Variants in CITED1 observed in about 807,000 individuals in gnomAD.
CITED1 encodes the protein cbp/p300-interacting transactivator 1.
In CITED1, 3 loss-of-function variants were observed where a neutral mutation model predicts 8.5. The ratio of observed to expected loss-of-function variants is 0.35; its 90% CI spans 0.16 to 0.91. The LOEUF is 0.91. CITED1 is among the 40% of genes least tolerant of loss of function. CITED1 has a pLI of 0.46. For missense variants in CITED1, 113 were observed against 154.8 expected, an observed-to-expected ratio of 0.73 and a Z score of 1.43; for synonymous variants, 54 against 67.4, an observed-to-expected ratio of 0.80 and a Z score of 0.97.
upstream of CITED1, chrX:72,306,379 T>G (rs2043339781): frequency 9.1e-6 from 1 of 110,156 alleles, no homozygotes; most frequent in Non-Finnish European, 1.9e-5. Flanking sequence ...CCCAGAACCC[T>G]CCGGCCCGCC....
At chrX:72,305,277 G>A in intron 1 of CITED1, 3 of 1,160,924 alleles carry the variant, frequency 2.6e-6, no homozygotes, top group Non-Finnish European at 3.5e-6. Context: ...CCTGTTGGGG[G>A]ACCAAAAGTT....
Position 72,302,762 on chromosome X carries a change from C to T in CITED1, c.60+48G>A, listed in dbSNP as rs746805089. ...CCTAGGAGGGCCTGGCCCATGACCCCGGAAAATTTGTCTTTCCCTGCCTCA... is the reference window on the plus strand; with the variant it reads ...CCTAGGAGGGCCTGGCCCATGACCCTGGAAAATTTGTCTTTCCCTGCCTCA... On this transcript the variant is annotated intron_variant, in intron 2 of 2. Coordinates refer to ENST00000651998, the MANE Select transcript of CITED1 (RefSeq NM_001144887.2). The T allele has an allele frequency of 2.6e-5, 30 of 1,144,238 alleles. No individual in the cohort carries two copies. In the Middle Eastern group the frequency reaches 8.5e-4, roughly 33 times the overall value. 94.3% of individuals were successfully genotyped at this position (1,144,238 alleles called of 1,213,427 possible).
chrX:72,305,804 C>T (rs2043333143), intron 1 of CITED1, 21 bp downstream of exon 1: 1 of 114,225 alleles, frequency 8.8e-6, no homozygotes, highest in Admixed American at 9.2e-5. Flanking sequence ...GAGAGAGGCT[C>T]GGAGAGGTGC....
intron 1 of CITED1, chrX:72,305,302 C>A (rs1197221628): frequency 1.7e-6 from 2 of 1,165,396 alleles, no homozygotes; most frequent in African/African-American, 1.8e-5. Context: ...TGGCACCAAC[C>A]GGATGGTTCC....
In CITED1 at chrX:72,301,950, C is replaced by G. The variant is rs147699506; in HGVS notation, c.355G>C (p.Gly119Arg). The G allele has an allele frequency of 2.1e-3, 2,574 of 1,210,867 alleles. 2 individuals are homozygous for G. Among genetic ancestry groups the G allele is most frequent in the Non-Finnish European group, 2.4e-3 (2,105 of 895,365 alleles). Residue 119 changes from glycine (G) to arginine (R), a missense_variant, in exon 3 of 3, where the codon GGA (glycine) becomes CGA (arginine). Gly to Arg is a moderately radical substitution (Grantham distance 125). Coordinates refer to ENST00000651998, the MANE Select transcript of CITED1 (RefSeq NM_001144887.2). Reference sequence around the variant, plus strand: ...CCAAAGTCCCAGTTTTGCAGGGGTCCTGCCTCCCCGGGTTGGCCTGGAGTG... The same window carrying G: ...CCAAAGTCCCAGTTTTGCAGGGGTCGTGCCTCCCCGGGTTGGCCTGGAGTG... ...AATPGQPGEA[G>R]PLQNWDFGAQ...
In CITED1 at chrX:72,301,714, C is replaced by T. The variant is rs2043287929; in HGVS notation, c.*9G>A. The T allele has an allele frequency of 8.3e-7, 1 of 1,208,552 alleles. No homozygotes were observed. Among genetic ancestry groups the T allele is most frequent in the East Asian group, 3.0e-5 (1 of 33,795 alleles). On this transcript the variant is annotated 3_prime_UTR_variant, in exon 3 of 3. Transcript: ENST00000651998. ...GGCTTTATTCCTCCATCTTTAGGGACACTTGGCATTAGCAGCTAGATGGAA... is the reference window on the plus strand; with the variant it reads ...GGCTTTATTCCTCCATCTTTAGGGATACTTGGCATTAGCAGCTAGATGGAA...
At chrX:72,305,727 G>A (rs968905513) in intron 1 of CITED1, 98 bp downstream of exon 1, 1 of 146,768 alleles carries the variant, frequency 6.8e-6, no homozygotes, top group African/African-American at 3.2e-5. Context: ...CGACGCGGCA[G>A]CAGGCTGAGC....
chrX:72,304,050 T>TAA, intron 1 of CITED1: 1 of 497,112 alleles, frequency 2.0e-6, no homozygotes, highest in Non-Finnish European at 2.4e-6. Flanking sequence ...CCCTATCTCT[T>TAA]TAAAAAAAAA....
chrX:72,307,040 G>A (rs1010480955), upstream of CITED1: 1 of 110,087 alleles, frequency 9.1e-6, no homozygotes. Flanking sequence ...GCCCGCGCGG[G>A]TGCTGTGCCG....
upstream of CITED1, chrX:72,306,826 T>C (rs1465921974): frequency 1.9e-5 from 2 of 103,151 alleles, no homozygotes; most frequent in African/African-American, 7.1e-5. Context: ...CAAGCCCCCA[T>C]TGCCGCCCGG....
At chrX:72,303,735 C>T (rs2043310366) in intron 1 of CITED1, among the ~76,000 whole-genome samples, 1 of 111,911 alleles carries the variant, frequency 8.9e-6, no homozygotes, top group Non-Finnish European at 1.9e-5. Flanking sequence ...GGCCACATGC[C>T]TCACCTGACC....
intron 2 of CITED1, among the ~76,000 whole-genome samples, chrX:72,302,563 T>C (rs1169583939): frequency 8.9e-6 from 1 of 112,377 alleles, no homozygotes; most frequent in Non-Finnish European, 1.9e-5. Flanking sequence ...AGCCTCACTT[T>C]AGTCTCTTCA....
In CITED1 at chrX:72,302,952, G is replaced by A. The variant is rs189493937; in HGVS notation, c.-65-18C>T. The stretch of plus-strand genomic sequence containing the variant: ...CTGTTGTGCTGCAAGTGAGGAAGAA[G>A]CAGTGGTAAGGGCAAAAGGCTTCAC... On this transcript the variant is annotated intron_variant, in intron 1 of 2. Coordinates refer to ENST00000651998, the MANE Select transcript of CITED1 (RefSeq NM_001144887.2). 8.3e-7 allele frequency: 1 copy of A among 1,202,013 alleles called. No individual in the cohort carries two copies. Among genetic ancestry groups the A allele is most frequent in the African/African-American group, 1.7e-5 (1 of 57,456 alleles).
At chrX:72,306,521 G>C (rs745848310), upstream of CITED1, 1 of 111,478 alleles carries the variant, frequency 9.0e-6, no homozygotes, top group South Asian at 3.6e-4. Context: ...CGCGGAGCTC[G>C]GTGAGCCGCA....
intron 1 of CITED1, among the ~76,000 whole-genome samples, chrX:72,304,317 G>GA (rs760948628): frequency 1.8e-5 from 2 of 110,959 alleles, no homozygotes; most frequent in African/African-American, 6.5e-5. Flanking sequence ...GTAGGGGAGG[G>GA]AAAAAATAGA....
chrX:72,306,955 C>T (rs767847093), upstream of CITED1: 1 of 109,264 alleles, frequency 9.2e-6, no homozygotes, highest in African/African-American at 3.3e-5. Context: ...TTATAACCGG[C>T]TTAGGGCATT....
intron 2 of CITED1, 120 bp downstream of exon 2, chrX:72,302,690 A>C (rs1197113280): frequency 4.8e-6 from 3 of 619,556 alleles, no homozygotes; most frequent in Non-Finnish European, 7.5e-6. Flanking sequence ...TTCTCCCCAG[A>C]GATAGTCCTG....
intron 1 of CITED1, 127 bp from the exon 2 acceptor site, chrX:72,303,061 G>C: frequency 1.1e-6 from 1 of 872,346 alleles, no homozygotes; most frequent in Non-Finnish European, 1.6e-6. Context: ...TTAGAATCAA[G>C]ACCAGAGATC....
chrX:72,305,194 C>G (rs2043324888), intron 1 of CITED1: 1 of 773,296 alleles, frequency 1.3e-6, no homozygotes, highest in Admixed American at 2.8e-5. Flanking sequence ...GAGCAGCCCC[C>G]TCCCGCCTAG....
Sources: allele counts gnomAD v4.1 joint callset (sites outside exome capture counted in the v4.1 genomes callset), GRCh38; gene constraint gnomAD v4.1.1; transcripts MANE v1.5; gene names NCBI Gene and HGNC (gene_info 2026-07-23, HGNC 2026-07-21).